The following PTPRD variants were observed in gnomAD, a reference collection of about 807,000 sequenced individuals.
PTPRD encodes protein tyrosine phosphatase receptor type D.
A neutral mutation model predicts 214.5 loss-of-function variants in PTPRD; 34 were observed. The observed-to-expected ratio is 0.16, with a 90% confidence interval of 0.12 to 0.21. The LOEUF (loss-of-function observed/expected upper bound fraction) is 0.21, where lower values mean the gene tolerates loss of function less well. PTPRD is among the 10% of genes least tolerant of loss of function. PTPRD has a pLI of 1.00. For synonymous variants in PTPRD, 1,128 were observed against 845.7 expected (o/e 1.33, Z -5.79); for missense variants, 2,545 against 2,398.7 (o/e 1.06, Z -1.27).
chr9:10,440,716 T>C (rs1020026449), intron 2 of PTPRD, among the ~76,000 whole-genome samples: 4 of 151,744 alleles, frequency 2.6e-5, no homozygotes, highest in Admixed American at 1.3e-4. Flanking sequence ...TATGAAATAA[T>C]AGCCAATTGT....
chr9:8,834,733 C>T (rs1030630030), intron 11 of PTPRD, among the ~76,000 whole-genome samples: 2 of 152,116 alleles, frequency 1.3e-5, no homozygotes, highest in African/African-American at 4.8e-5. Flanking sequence ...AACTGTTTGA[C>T]CCACAGACCA....
intron 11 of PTPRD, among the ~76,000 whole-genome samples, chr9:8,805,660 T>C (rs1475402738): frequency 2.0e-5 from 3 of 151,480 alleles, no homozygotes; most frequent in African/African-American, 4.8e-5. Flanking sequence ...TGGAGTGCAA[T>C]GGCACAATCT....
At chr9:8,694,146 G>A (rs192869494) in intron 12 of PTPRD, among the ~76,000 whole-genome samples, 211 of 152,220 alleles carry the variant, frequency 1.4e-3, no homozygotes, top group Non-Finnish European at 2.0e-3. Context: ...TTTTAAATAA[G>A]AGAATATATT....
Position 10,271,048 on chromosome 9 carries a change from C to A in PTPRD, c.-545+69915G>T, listed in dbSNP as rs148189550. On this transcript the variant is annotated intron_variant, in intron 3 of 45. Transcript: ENST00000381196. ...CTATGTTGCCCAGGTTGGTCTTGAA[C>A]TTCTGGCCTCAAGTGATCTTTTGTT... Among the ~76,000 whole-genome samples the A allele has an allele frequency of 2.4e-3, 361 of 152,110 alleles. 3 individuals are homozygous for A. Among genetic ancestry groups the A allele is most frequent in the African/African-American group, 8.4e-3 (347 of 41,484 alleles).
intron 9 of PTPRD, among the ~76,000 whole-genome samples, chr9:9,185,333 C>G (rs996591182): frequency 6.6e-6 from 1 of 152,048 alleles, no homozygotes; most frequent in South Asian, 2.1e-4. Context: ...GTATTCATTA[C>G]TGACACTTCT....
intron 14 of PTPRD, among the ~76,000 whole-genome samples, chr9:8,630,226 A>G (rs932347927): frequency 2.6e-5 from 4 of 151,810 alleles, no homozygotes; most frequent in African/African-American, 7.3e-5. Context: ...CGAAAAGTGT[A>G]AAATGGTCTC....
intron 5 of PTPRD, among the ~76,000 whole-genome samples, chr9:9,906,894 A>G (rs1476157959): frequency 6.6e-6 from 1 of 152,012 alleles, no homozygotes; most frequent in Non-Finnish European, 1.5e-5. Context: ...GATCTGGCTC[A>G]TAGAACTTAT....
intron 13 of PTPRD, among the ~76,000 whole-genome samples, chr9:8,635,369 T>C (rs147990380): frequency 2.2e-3 from 339 of 151,976 alleles, no homozygotes; most frequent in Non-Finnish European, 3.8e-3. Flanking sequence ...GCAGCAAAGA[T>C]GCATACATAC....
At chr9:10,498,046 G>C (rs559254525) in intron 2 of PTPRD, among the ~76,000 whole-genome samples, 1 of 152,012 alleles carries the variant, frequency 6.6e-6, no homozygotes, top group East Asian at 1.9e-4. Flanking sequence ...TGTTTTGCTT[G>C]CTTCATGCAT....
intron 12 of PTPRD, among the ~76,000 whole-genome samples, chr9:8,650,165 G>T (rs1336496586): frequency 6.6e-6 from 1 of 152,012 alleles, no homozygotes; most frequent in African/African-American, 2.4e-5. Context: ...TGATCCTCCG[G>T]CCTCAGTCTC....
chr9:8,944,885 A>G (rs1356364831), intron 11 of PTPRD, among the ~76,000 whole-genome samples: 1 of 152,080 alleles, frequency 6.6e-6, no homozygotes, highest in Non-Finnish European at 1.5e-5. Flanking sequence ...TTTTCAAATA[A>G]TTGAGGGAGT....
chr9:10,386,268 T>A (rs2097912991), intron 2 of PTPRD, among the ~76,000 whole-genome samples: 1 of 151,860 alleles, frequency 6.6e-6, no homozygotes, highest in East Asian at 1.9e-4. Context: ...AATGGACATA[T>A]TTTTCTGTAG....
intron 3 of PTPRD, among the ~76,000 whole-genome samples, chr9:10,226,127 C>T (rs767579370): frequency 2.0e-4 from 30 of 151,932 alleles, no homozygotes; most frequent in African/African-American, 6.3e-4. Flanking sequence ...AGTGGTCAGC[C>T]GCCCCAATGC....
chr9:9,675,757 A>G (rs1326699024), intron 7 of PTPRD, among the ~76,000 whole-genome samples: 2 of 152,084 alleles, frequency 1.3e-5, no homozygotes, highest in East Asian at 3.9e-4. Context: ...CAATACAAAG[A>G]TTCTTCTGGG....
chr9:10,511,127 T>C (rs1283921303), intron 2 of PTPRD, among the ~76,000 whole-genome samples: 1 of 152,214 alleles, frequency 6.6e-6, no homozygotes, highest in African/African-American at 2.4e-5. Flanking sequence ...AATTCCAGTG[T>C]ATGGAATGGA....
At chr9:9,369,809 A>C (rs1350521232) in intron 9 of PTPRD, among the ~76,000 whole-genome samples, 1 of 152,224 alleles carries the variant, frequency 6.6e-6, no homozygotes, top group Admixed American at 6.5e-5. Context: ...GAAGGGATCC[A>C]GTTTCAGCTT....
At chr9:10,546,308 A>G (rs534945998) in intron 2 of PTPRD, among the ~76,000 whole-genome samples, 1 of 152,128 alleles carries the variant, frequency 6.6e-6, no homozygotes, top group South Asian at 2.1e-4. Flanking sequence ...TTATCTTAAC[A>G]TTTTCCTCAT....
At chr9:9,550,345 T>C (rs1030588940) in intron 8 of PTPRD, among the ~76,000 whole-genome samples, 1 of 150,784 alleles carries the variant, frequency 6.6e-6, no homozygotes, top group Admixed American at 6.7e-5. Context: ...CCTCTCTCTA[T>C]GGAAAGAAGT....
chr9:8,717,181 A>G (rs1274891234), intron 12 of PTPRD, among the ~76,000 whole-genome samples: 1 of 152,212 alleles, frequency 6.6e-6, no homozygotes, highest in Non-Finnish European at 1.5e-5. Flanking sequence ...AAATACATCT[A>G]AAAGTAACAT....
Sources: allele counts gnomAD v4.1 joint callset (sites outside exome capture counted in the v4.1 genomes callset), GRCh38; gene constraint gnomAD v4.1.1; transcripts MANE v1.5; gene names NCBI Gene and HGNC (gene_info 2026-07-23, HGNC 2026-07-21).